The following CACNA2D3 variants were observed in gnomAD, a reference collection of about 807,000 sequenced individuals.
CACNA2D3 encodes the protein voltage-dependent calcium channel subunit alpha-2/delta-3.
A neutral mutation model predicts 160.6 loss-of-function variants in CACNA2D3; 60 were observed. The observed-to-expected ratio is 0.37, with a 90% CI of 0.30 to 0.46. The LOEUF (loss-of-function observed/expected upper bound fraction) is 0.46, where lower values mean the gene tolerates loss of function less well. CACNA2D3 is among the 20% of genes least tolerant of loss of function. CACNA2D3 has a pLI of 1.00. For missense variants in CACNA2D3, 1,205 were observed against 1,365.0 expected (o/e 0.88, Z 1.85); for synonymous variants, 558 against 492.9 (o/e 1.13, Z -1.75).
At chr3:55,021,469 C>T (rs1703443698) in intron 35 of CACNA2D3, among the ~76,000 whole-genome samples, 1 of 151,280 alleles carries the variant, frequency 6.6e-6, no homozygotes, top group South Asian at 2.1e-4. Context: ...CTTGAGTTTA[C>T]ATTGTTTTTT....
intron 35 of CACNA2D3, among the ~76,000 whole-genome samples, chr3:55,062,457 C>CA (rs910041462): frequency 1.5e-4 from 22 of 150,830 alleles, no homozygotes; most frequent in East Asian, 5.8e-4. Flanking sequence ...GTGTAGAAAA[C>CA]AAAAAAAAGG....
chr3:54,745,361 G>C (rs1195684807), intron 11 of CACNA2D3, among the ~76,000 whole-genome samples: 1 of 151,914 alleles, frequency 6.6e-6, no homozygotes, highest in African/African-American at 2.4e-5. Context: ...AGAGCCTGAT[G>C]AAGGGAGGTG....
At chr3:54,543,382 T>A (rs1302839259) in intron 5 of CACNA2D3, among the ~76,000 whole-genome samples, 1 of 152,238 alleles carries the variant, frequency 6.6e-6, no homozygotes, top group East Asian at 1.9e-4. Flanking sequence ...GACTTTAATT[T>A]CCTTTCTGAT....
intron 13 of CACNA2D3, among the ~76,000 whole-genome samples, chr3:54,786,772 C>T (rs1179258207): frequency 6.6e-6 from 1 of 152,146 alleles, no homozygotes; most frequent in Non-Finnish European, 1.5e-5. Flanking sequence ...AAACACACAA[C>T]TGATTTTACA....
chr3:54,811,294 A>G (rs72874272), intron 13 of CACNA2D3, among the ~76,000 whole-genome samples: 1,860 of 152,092 alleles, frequency 0.012, 45 homozygotes, highest in African/African-American at 0.041. Flanking sequence ...TCATCTTCTC[A>G]GTAAATGGCA....
intron 14 of CACNA2D3, among the ~76,000 whole-genome samples, chr3:54,820,737 A>G (rs369996967): frequency 9.8e-5 from 15 of 152,312 alleles, no homozygotes; most frequent in African/African-American, 3.6e-4. Flanking sequence ...TATGTGTAAG[A>G]AAGGTCTGCT....
intron 5 of CACNA2D3, among the ~76,000 whole-genome samples, chr3:54,529,011 A>AC (rs1413939512): frequency 1.3e-5 from 2 of 152,078 alleles, no homozygotes; most frequent in African/African-American, 4.8e-5. Context: ...AACACCTTTA[A>AC]CCCCCTACTG....
chr3:54,352,463 G>T (rs367748363), intron 3 of CACNA2D3, among the ~76,000 whole-genome samples: 1 of 152,288 alleles, frequency 6.6e-6, no homozygotes, highest in South Asian at 2.1e-4. Context: ...GTTCTGTGCC[G>T]TTCACAGACA....
intron 14 of CACNA2D3, among the ~76,000 whole-genome samples, chr3:54,821,689 TTTCTTTCTTTCCTTCC>T (rs1559594954): frequency 2.2e-5 from 2 of 90,130 alleles, no homozygotes; most frequent in Non-Finnish European, 4.4e-5. Flanking sequence ...TCTTTCTTTC[TTTCTTTCTTTCCTTCC>T]TTCCTTCTTT....
chr3:54,248,630 G>T (rs1374332086), intron 2 of CACNA2D3, among the ~76,000 whole-genome samples: 1 of 152,136 alleles, frequency 6.6e-6, no homozygotes, highest in Non-Finnish European at 1.5e-5. Flanking sequence ...CAGCAACAAG[G>T]CAGCAAGCCA....
rs183655838 is a variant in CACNA2D3 at position 54,328,900 on chromosome 3, G to A, written c.321+8342G>A. Reference sequence around the variant, plus strand: ...ACTTTGGGGTGCCAGCTGTTTGGAGGAATCAGCTGGGAGCATCGGCGGCTC... The same window carrying A: ...ACTTTGGGGTGCCAGCTGTTTGGAGAAATCAGCTGGGAGCATCGGCGGCTC... On this transcript the variant is annotated intron_variant, in intron 3 of 37. Coordinates refer to ENST00000474759, the MANE Select transcript of CACNA2D3 (RefSeq NM_018398.3). Among the ~76,000 whole-genome samples, 263 of 152,304 alleles carry A rather than the reference G, an allele frequency of 1.7e-3. 1 individual carries two copies. In the Middle Eastern group the frequency reaches 0.024, roughly 14 times the overall value.
At chr3:54,798,519 G>A (rs899180106) in intron 13 of CACNA2D3, among the ~76,000 whole-genome samples, 1 of 152,112 alleles carries the variant, frequency 6.6e-6, no homozygotes, top group African/African-American at 2.4e-5. Flanking sequence ...CTGGGTGACA[G>A]AGCGAGACTC....
chr3:54,284,979 C>G (rs1042863113), intron 2 of CACNA2D3, among the ~76,000 whole-genome samples: 3 of 152,176 alleles, frequency 2.0e-5, no homozygotes, highest in Non-Finnish European at 4.4e-5. Flanking sequence ...AGGAACAGCT[C>G]TGGTCTACAG....
chr3:54,205,021 A>T (rs1324474780), intron 2 of CACNA2D3, among the ~76,000 whole-genome samples: 1 of 152,188 alleles, frequency 6.6e-6, no homozygotes, highest in Non-Finnish European at 1.5e-5. Context: ...GATGGTCTGG[A>T]GATAAAGTTA....
chr3:54,872,812 C>T (rs1699568477), intron 18 of CACNA2D3, among the ~76,000 whole-genome samples: 1 of 152,202 alleles, frequency 6.6e-6, no homozygotes, highest in Non-Finnish European at 1.5e-5. Context: ...CTTCCTCCTC[C>T]ATACCCTTTT....
chr3:54,927,809 C>T (rs768562031), intron 27 of CACNA2D3: 47 of 1,312,882 alleles, frequency 3.6e-5, no homozygotes, highest in South Asian at 2.7e-4. Context: ...TTAAGACAGA[C>T]GACTTGAAAA....
chr3:54,265,560 AGTGTG>A (rs1360984055), intron 2 of CACNA2D3, among the ~76,000 whole-genome samples: 1 of 76,718 alleles, frequency 1.3e-5, no homozygotes, highest in African/African-American at 6.5e-5. Context: ...GTGTGTGTAT[AGTGTG>A]TATATATATA....
At chr3:54,646,223 C>T (rs1699647748) in intron 11 of CACNA2D3, among the ~76,000 whole-genome samples, 1 of 122,824 alleles carries the variant, frequency 8.1e-6, no homozygotes, top group Non-Finnish European at 1.7e-5. Flanking sequence ...TCCTTCCTTC[C>T]TTCCTTCCTT....
chr3:54,238,472 CTT>C (rs1461196254), intron 2 of CACNA2D3, among the ~76,000 whole-genome samples: 1 of 152,164 alleles, frequency 6.6e-6, no homozygotes, highest in Non-Finnish European at 1.5e-5. Context: ...AATAGAAAAA[CTT>C]GAGAGATTAA....
Sources: allele counts gnomAD v4.1 joint callset (sites outside exome capture counted in the v4.1 genomes callset), GRCh38; gene constraint gnomAD v4.1.1; transcripts MANE v1.5; gene names NCBI Gene and HGNC (gene_info 2026-07-23, HGNC 2026-07-21).